GBA2: variants seen among roughly 807,000 people sequenced by gnomAD.
GBA2 encodes the protein non-lysosomal glucosylceramidase.
Under a neutral mutation model 112.9 loss-of-function variants are expected in GBA2, and 79 were observed. That is an observed-to-expected ratio of 0.70 (90% CI 0.58 to 0.84). GBA2 has a LOEUF of 0.84. Ranked by LOEUF, GBA2 falls within the 40% of genes least tolerant of loss-of-function variation. GBA2 has a pLI of 0.00. For missense variants in GBA2, 1,043 were observed against 1,190.0 expected (o/e 0.88, Z 1.82); for synonymous variants, 403 against 434.3 (o/e 0.93, Z 0.90).
chr9:35,739,447 G>C, intron 9 of GBA2, 28 bp from the exon 10 acceptor site: 2 of 1,516,862 alleles, frequency 1.3e-6, no homozygotes, highest in Non-Finnish European at 1.8e-6. Flanking sequence ...ACACACTGTT[G>C]CCAGAATTCC....
Position 35,741,809 on chromosome 9 carries a change from A to C in GBA2, c.649T>G (p.Trp217Gly), listed in dbSNP as rs755488228. 1.2e-6 allele frequency: 2 copies of C among 1,613,628 alleles called. No homozygotes were observed. The change falls in exon 4 of 17, where the codon TGG becomes GGG. Residue 217 changes from tryptophan (W) to glycine (G), a missense_variant. Coordinates refer to ENST00000378103, the MANE Select transcript of GBA2 (RefSeq NM_020944.3). This position sits in a 1 kb window ranked among gnomAD's most constrained non-coding sequence, Gnocchi z 4.6. Reference protein sequence around the residue: ...SLERPSVLRSWNWGLCGYFAF... With the variant: ...SLERPSVLRSGNWGLCGYFAF... The stretch of plus-strand genomic sequence containing the variant: ...AAGTACCCACACAGGCCCCAGTTCC[A>C]GCTGCGGAGGACACTTGGGCGCTCC...
intron 1 of GBA2, among the ~76,000 whole-genome samples, chr9:35,745,452 C>G (rs1272468415): frequency 6.6e-6 from 1 of 150,694 alleles, no homozygotes; most frequent in Non-Finnish European, 1.5e-5. Flanking sequence ...GATCATTTTT[C>G]TTTCTAATTA....
intron 10 of GBA2, 62 bp from the exon 11 acceptor site, chr9:35,739,171 A>G (rs1393352171): frequency 1.7e-6 from 2 of 1,144,174 alleles, no homozygotes; most frequent in African/African-American, 1.5e-5. Flanking sequence ...GCACACAGCT[A>G]TGTGTGTGAC....
Position 35,737,026 on chromosome 9 carries a change from A to G in GBA2, c.*143T>C, listed in dbSNP as rs971556515. The G allele has an allele frequency of 7.5e-7, 1 of 1,326,984 alleles. No individual in the cohort carries two copies. Among genetic ancestry groups the G allele is most frequent in the Non-Finnish European group, 1.0e-6 (1 of 983,982 alleles). The allele number at this position is 1,326,984 out of a possible 1,614,324, so 82.2% of individuals were successfully genotyped here. ...GCTGCCTAGGTCACCCTCAACCCCC[A>G]TTTACTGGCACAATTGGGTGGAGAG... On this transcript the variant is annotated 3_prime_UTR_variant, in exon 17 of 17. Transcript: ENST00000378103. The surrounding 1 kb of genome is among the most constrained non-coding windows in gnomAD (Gnocchi z 4.1).
intron 1 of GBA2, among the ~76,000 whole-genome samples, chr9:35,747,176 T>C (rs1454360342): frequency 6.6e-6 from 1 of 152,178 alleles, no homozygotes; most frequent in Non-Finnish European, 1.5e-5. Context: ...GGAGCCAGGG[T>C]CCAGGGGGTT....
At position 35,737,135 on chromosome 9, in the gene GBA2, G is replaced by A; in HGVS notation, c.*34C>T. ...GAGGAAAGGCCAGGCTGGAGGCTGG[G>A]CTGTTAGCACTTCCCTCCCACAGTT... On this transcript the variant is annotated 3_prime_UTR_variant, in exon 17 of 17. Transcript: ENST00000378103. This position sits in a 1 kb window ranked among gnomAD's most constrained non-coding sequence, Gnocchi z 4.1. 1.9e-6 allele frequency: 3 copies of A among 1,585,074 alleles called. No homozygotes were observed. In the East Asian group the frequency reaches 6.7e-5, roughly 36 times the overall value.
intron 9 of GBA2, 69 bp downstream of exon 9, chr9:35,739,558 TG>T: frequency 1.4e-6 from 2 of 1,464,324 alleles, no homozygotes; most frequent in Non-Finnish European, 1.9e-6. Context: ...ACCAATACCC[TG>T]GGGTAGGCAA....
At chr9:35,739,885 AT>A (rs1420990953) in intron 8 of GBA2, 85 bp from the exon 9 acceptor site, 3 of 1,533,566 alleles carry the variant, frequency 2.0e-6, no homozygotes, top group Non-Finnish European at 2.7e-6. Context: ...GAGTGGGATC[AT>A]CAAATGAATC....
chr9:35,738,967 G>A, intron 11 of GBA2, 35 bp downstream of exon 11: 1 of 1,607,212 alleles, frequency 6.2e-7, no homozygotes, highest in African/African-American at 1.3e-5. Flanking sequence ...TGCAAAAGTT[G>A]AGGGAGGGAA....
rs1826957483 is a variant in GBA2, at chr9:35,746,172, A to G, written c.360-1466T>C. On this transcript the variant is annotated intron_variant, in intron 1 of 16. Coordinates refer to ENST00000378103, the MANE Select transcript of GBA2 (RefSeq NM_020944.3). This position sits in a 1 kb window ranked among gnomAD's most constrained non-coding sequence, Gnocchi z 5.2. ...GAATATTACCCTCAGGTCCAAGCAC[A>G]GGGTAGGACATATGGTCTGCAGTCA... 6.6e-6 allele frequency among the ~76,000 whole-genome samples: 1 copy of G among 152,256 alleles called. No homozygotes were observed. The highest frequency in any genetic ancestry group is 1.5e-5 in the Non-Finnish European group (1 of 68,044).
At position 35,740,472 on chromosome 9, in the gene GBA2, C is replaced by G; in HGVS notation, c.1129+54G>C. Reference sequence around the variant, plus strand: ...ATTACCAGGCCTCCCACCCCTGGTCCCAAGACAGGGACAACCTCTCTTCCC... The same window carrying G: ...ATTACCAGGCCTCCCACCCCTGGTCGCAAGACAGGGACAACCTCTCTTCCC... On this transcript the variant is annotated intron_variant, in intron 6 of 16. Coordinates refer to ENST00000378103, the MANE Select transcript of GBA2 (RefSeq NM_020944.3). This position sits in a 1 kb window ranked among gnomAD's most constrained non-coding sequence, Gnocchi z 4.7. 1 of 1,566,314 alleles carries G rather than the reference C, an allele frequency of 6.4e-7. No homozygotes were observed. Among genetic ancestry groups the G allele is most frequent in the Non-Finnish European group, 8.8e-7 (1 of 1,139,078 alleles).
intron 3 of GBA2, among the ~76,000 whole-genome samples, chr9:35,743,510 T>C (rs1459118252): frequency 6.6e-6 from 1 of 152,222 alleles, no homozygotes; most frequent in African/African-American, 2.4e-5. Flanking sequence ...GAGAGGGATC[T>C]TGGGACATGG....
At position 35,739,119 on chromosome 9, in the gene GBA2, A is replaced by G; in HGVS notation, c.1688-10T>C. On this transcript the variant is annotated splice_polypyrimidine_tract_variant and intron_variant, in intron 10 of 16. Coordinates refer to ENST00000378103, the MANE Select transcript of GBA2 (RefSeq NM_020944.3). ...CTGAGAGTGGCCAGAGCTGGGGGAG[A>G]GACACAGAAGGGAGGCAGGGAATGG... 2 of 1,134,798 alleles carry G rather than the reference A, an allele frequency of 1.8e-6. No individual in the cohort carries two copies. The highest frequency in any genetic ancestry group is 2.4e-6 in the Non-Finnish European group (2 of 826,908). The allele number at this position is 1,134,798 out of a possible 1,614,324, so 70.3% of individuals were successfully genotyped here. A position where few individuals can be genotyped will look rare whatever the true frequency, so the allele number is the denominator to read the frequency against.
Position 35,737,125 on chromosome 9 carries a change from T to C in GBA2, c.*44A>G. 2 of 1,576,304 alleles carry C rather than the reference T, an allele frequency of 1.3e-6. No homozygotes were observed. Among genetic ancestry groups the C allele is most frequent in the Non-Finnish European group, 8.6e-7 (1 of 1,165,878 alleles). ...AGAGGGGAAGGAGGAAAGGCCAGGC[T>C]GGAGGCTGGGCTGTTAGCACTTCCC... On this transcript the variant is annotated 3_prime_UTR_variant, in exon 17 of 17. Transcript: ENST00000378103. The surrounding 1 kb of genome is among the most constrained non-coding windows in gnomAD (Gnocchi z 4.1).
In GBA2 at chr9:35,744,832, T is replaced by G. The variant is rs1299241072; in HGVS notation, c.360-126A>C. ...AGGACATCTGCTTTCAAACCTTTCTTCCTCTTGATTTCTATACAGTTCAAG... is the reference window on the plus strand; with the variant it reads ...AGGACATCTGCTTTCAAACCTTTCTGCCTCTTGATTTCTATACAGTTCAAG... On this transcript the variant is annotated intron_variant, in intron 1 of 16. Coordinates refer to ENST00000378103, the MANE Select transcript of GBA2 (RefSeq NM_020944.3). 5.7e-5 allele frequency: 38 copies of G among 661,198 alleles called. No homozygotes were observed. In the South Asian group the frequency reaches 6.4e-4, roughly 11 times the overall value. 41.0% of individuals were successfully genotyped at this position (661,198 alleles called of 1,614,324 possible).
rs1219181733 is a variant in GBA2 at position 35,748,351 on chromosome 9, G to A, written c.354C>T (p.Gly118=). 2.5e-6 allele frequency: 4 copies of A among 1,594,984 alleles called. No individual in the cohort carries two copies. In the South Asian group the frequency reaches 3.3e-5, roughly 13 times the overall value. ...AGGCAATGGGGTCTACTCACCTCAA[G>A]CCCATGCCTATATGCTTTATCATGT... ...LSNMIKHIGM[G]LRYLQWWYRK... The change falls in exon 1 of 17, where the codon GGC becomes GGT. Residue 118 remains glycine (G), a synonymous_variant. Coordinates refer to ENST00000378103, the MANE Select transcript of GBA2 (RefSeq NM_020944.3).
chr9:35,739,394 T>C lies in GBA2; in HGVS notation c.1608A>G (p.Thr536=), dbSNP rs1333453755. The change falls in exon 10 of 17, where the codon ACA becomes ACG. Residue 536 remains threonine (T), a synonymous_variant. Coordinates refer to ENST00000378103, the MANE Select transcript of GBA2 (RefSeq NM_020944.3). ...AGGAAGCATAAAAGTGGACATCATA[T>C]GTGTTGTACATGCGGTACTCCTGGC... is the stretch of plus-strand genomic sequence containing the variant. The part of the protein sequence containing the change: ...LEGQEYRMYN[T]YDVHFYASFA... 3.1e-6 allele frequency: 5 copies of C among 1,612,838 alleles called. No homozygotes were observed. The highest frequency in any genetic ancestry group is 4.2e-6 in the Non-Finnish European group (5 of 1,178,982).
At chr9:35,738,457 CT>C in intron 13 of GBA2, 68 bp downstream of exon 13, 2 of 1,589,982 alleles carry the variant, frequency 1.3e-6, no homozygotes, top group Non-Finnish European at 1.7e-6. Flanking sequence ...GTCATTCTTT[CT>C]TGAGCCCTAC....
At chr9:35,744,457 A>T (rs1826872601) in intron 2 of GBA2, 45 bp from the exon 3 acceptor site, 2 of 1,225,566 alleles carry the variant, frequency 1.6e-6, no homozygotes, top group African/African-American at 1.5e-5. Flanking sequence ...AGAGGAAAAT[A>T]AGCCCATTTC....
Sources: allele counts gnomAD v4.1 joint callset (sites outside exome capture counted in the v4.1 genomes callset), GRCh38; gene constraint gnomAD v4.1.1; non-coding constraint Gnocchi (gnomAD v3.1); transcripts MANE v1.5; gene names NCBI Gene and HGNC (gene_info 2026-07-23, HGNC 2026-07-21).